The following TTC39C variants were observed in gnomAD, a reference collection of about 807,000 sequenced individuals.
TTC39C encodes the protein tetratricopeptide repeat domain 39C, also known as tetratricopeptide repeat protein 39C.
In TTC39C, 33 loss-of-function variants were observed where a neutral mutation model predicts 76.3. The ratio of observed to expected loss-of-function variants is 0.43; its 90% CI spans 0.33 to 0.58. TTC39C has a LOEUF of 0.58. Among genes scored for constraint, TTC39C ranks in the 20% least tolerant of loss-of-function variants. TTC39C has a pLI of 0.04. For synonymous variants in TTC39C, 254 were observed against 260.6 expected (o/e 0.97, Z 0.24); for missense variants, 595 against 701.4 (o/e 0.85, Z 1.71).
intron 6 of TTC39C, among the ~76,000 whole-genome samples, chr18:24,105,111 A>G (rs987008367): frequency 6.6e-6 from 1 of 152,190 alleles, no homozygotes; most frequent in African/African-American, 2.4e-5. Context: ...CATCTTTAGT[A>G]TAGAAAGAGT....
intron 1 of TTC39C, among the ~76,000 whole-genome samples, chr18:24,063,821 A>G (rs1267436980): frequency 1.3e-5 from 2 of 151,964 alleles, no homozygotes; most frequent in East Asian, 1.9e-4. Context: ...GCCTGTTTCT[A>G]CTATCTTTAT....
chr18:24,028,900 T>G (rs1481048260), intron 1 of TTC39C, among the ~76,000 whole-genome samples: 1 of 151,856 alleles, frequency 6.6e-6, no homozygotes, highest in African/African-American at 2.4e-5. Flanking sequence ...TTTTTGTATT[T>G]TTAGTAGAGA....
intron 4 of TTC39C, among the ~76,000 whole-genome samples, 180 bp from the exon 5 acceptor site, chr18:24,080,405 G>A (rs1197891357): frequency 6.6e-6 from 1 of 152,176 alleles, no homozygotes; most frequent in Non-Finnish European, 1.5e-5. Flanking sequence ...AAGGGAGACT[G>A]ATGAGAAATA....
At chr18:24,026,916 A>G (rs1395682505) in intron 1 of TTC39C, among the ~76,000 whole-genome samples, 1 of 152,234 alleles carries the variant, frequency 6.6e-6, no homozygotes, top group Non-Finnish European at 1.5e-5. Context: ...CTTTGGTACT[A>G]TTCTAACAGG....
At chr18:24,070,642 G>A (rs762074440) in intron 4 of TTC39C, among the ~76,000 whole-genome samples, 6 of 151,988 alleles carry the variant, frequency 3.9e-5, no homozygotes, top group Non-Finnish European at 5.9e-5. Flanking sequence ...TCAGGAGTTC[G>A]AGACCAGCCT....
Position 24,132,854 on chromosome 18 carries a change from T to G in TTC39C, c.*280T>G. The G allele has an allele frequency of 3.5e-6, 1 of 286,930 alleles. No individual in the cohort carries two copies. The highest frequency in any genetic ancestry group is 6.4e-5 in the East Asian group (1 of 15,516). The allele number at this position is 286,930 out of a possible 1,614,324, so 17.8% of individuals were successfully genotyped here. On this transcript the variant is annotated 3_prime_UTR_variant, in exon 14 of 14. Coordinates refer to ENST00000317571, the MANE Select transcript of TTC39C (RefSeq NM_001135993.2). Reference sequence around the variant, plus strand: ...CAAACGTTTTAGTTTTGTGATTTATTATTTTTAAAATAAAATCAAACGGAA... The same window carrying G: ...CAAACGTTTTAGTTTTGTGATTTATGATTTTTAAAATAAAATCAAACGGAA...
chr18:24,088,931 C>T (rs1214659533), intron 6 of TTC39C, among the ~76,000 whole-genome samples: 1 of 152,184 alleles, frequency 6.6e-6, no homozygotes, highest in Non-Finnish European at 1.5e-5. Context: ...GTGCCATCAA[C>T]TGTGAGAGGT....
intron 1 of TTC39C, among the ~76,000 whole-genome samples, chr18:24,023,950 GTATATATA>G (rs1157099825): frequency 3.0e-4 from 5 of 16,902 alleles, no homozygotes; most frequent in African/African-American, 5.2e-4. Context: ...ATATATGCAT[GTATATATA>G]TATATATATA....
At position 24,069,353 on chromosome 18, in the gene TTC39C, T is replaced by G. The variant is rs142582424; in HGVS notation, c.460+82T>G. Reference sequence around the variant, plus strand: ...TATGCTTTTTTAAGAATGCCTTATATTTCAGTCTTTGAACACATGTGGCAC... The same window carrying G: ...TATGCTTTTTTAAGAATGCCTTATAGTTCAGTCTTTGAACACATGTGGCAC... On this transcript the variant is annotated intron_variant, in intron 4 of 13. Coordinates refer to ENST00000317571, the MANE Select transcript of TTC39C (RefSeq NM_001135993.2). The G allele has an allele frequency of 1.8e-4, 220 of 1,210,570 alleles. No homozygotes were observed. In the African/African-American group the frequency reaches 2.8e-3, roughly 15 times the overall value. 75.0% of individuals were successfully genotyped at this position (1,210,570 alleles called of 1,614,324 possible).
chr18:24,028,536 A>G (rs914881614), intron 1 of TTC39C, among the ~76,000 whole-genome samples: 3 of 152,216 alleles, frequency 2.0e-5, no homozygotes, highest in Non-Finnish European at 2.9e-5. Context: ...TTCTTGACCT[A>G]TGCTCTACTA....
chr18:24,109,090 G>A (rs780295105), intron 6 of TTC39C, among the ~76,000 whole-genome samples: 2 of 147,948 alleles, frequency 1.4e-5, no homozygotes, highest in Non-Finnish European at 3.0e-5. Flanking sequence ...TGTAATCCCC[G>A]TACTTTGGGA....
At chr18:24,105,611 G>A (rs1034877942) in intron 6 of TTC39C, among the ~76,000 whole-genome samples, 18 of 152,162 alleles carry the variant, frequency 1.2e-4, no homozygotes, top group Non-Finnish European at 2.5e-4. Flanking sequence ...AGTGGGGTGT[G>A]GGGAGCACTG....
intron 4 of TTC39C, among the ~76,000 whole-genome samples, chr18:24,073,452 A>T (rs1178253981): frequency 1.3e-5 from 2 of 151,316 alleles, no homozygotes; most frequent in Non-Finnish European, 2.9e-5. Context: ...TACCCCCTTT[A>T]TCTTTCTCTT....
chr18:24,053,394 G>A (rs906398139), intron 1 of TTC39C, among the ~76,000 whole-genome samples: 33 of 152,118 alleles, frequency 2.2e-4, no homozygotes, highest in Admixed American at 1.3e-3. Flanking sequence ...CCTTCCTGTC[G>A]TAATATGAGT....
intron 1 of TTC39C, among the ~76,000 whole-genome samples, chr18:24,003,826 C>T (rs2083332128): frequency 6.6e-6 from 1 of 152,200 alleles, no homozygotes; most frequent in South Asian, 2.1e-4. Flanking sequence ...TACCTCACTG[C>T]AGCCTCAAAC....
rs144988390 is a variant in TTC39C at position 24,019,664 on chromosome 18, G to T, written c.167+4626G>T. Among the ~76,000 whole-genome samples the T allele has an allele frequency of 8.9e-4, 136 of 152,382 alleles. No individual in the cohort carries two copies. The Middle Eastern group carries it at 0.01, about 11-fold the overall frequency. ...CATACAGATGGTTCCATATAATCCA[G>T]GAGTTGGTAAACTATGGCCCGTGGG... On this transcript the variant is annotated intron_variant, in intron 1 of 13. Transcript: ENST00000317571.
chr18:24,005,823 C>T (rs954291536), intron 1 of TTC39C, among the ~76,000 whole-genome samples: 4 of 150,014 alleles, frequency 2.7e-5, no homozygotes, highest in South Asian at 2.1e-4. Context: ...CCAGCATGGC[C>T]GACTGAGTGA....
Position 24,083,047 on chromosome 18 carries a change from TTA to T in TTC39C, c.952_953del (p.Met318ValfsTer40). 6.2e-7 allele frequency: 1 copy of T among 1,614,064 alleles called. No homozygotes were observed. Among genetic ancestry groups the T allele is most frequent in the Non-Finnish European group, 8.5e-7 (1 of 1,179,950 alleles). ...GCTGCTTATCCAAATTCTTCCCTCTTTATGTTTTTCAAGGGACGGATACAACG... is the reference window on the plus strand; with the variant it reads ...GCTGCTTATCCAAATTCTTCCCTCTTTGTTTTTCAAGGGACGGATACAACG... On this transcript the variant is annotated frameshift_variant, in exon 6 of 14. Transcript: ENST00000317571. LOFTEE classifies it high-confidence loss of function.
At chr18:24,040,111 T>A (rs1465753884) in intron 1 of TTC39C, among the ~76,000 whole-genome samples, 1 of 152,206 alleles carries the variant, frequency 6.6e-6, no homozygotes, top group Non-Finnish European at 1.5e-5. Context: ...GCCTCTTGAT[T>A]GGGACCGTGA....
Sources: gnomAD v4.1 joint callset for allele counts (sites outside exome capture counted in the v4.1 genomes callset) on GRCh38, gnomAD v4.1.1 for gene constraint, MANE v1.5 for transcripts, NCBI Gene and HGNC (gene_info 2026-07-23, HGNC 2026-07-21) for gene names.